LRP1B: variants seen among roughly 807,000 people sequenced by gnomAD.
The protein encoded by LRP1B is LDL receptor related protein 1B, also known as low-density lipoprotein receptor-related protein 1B.
Under a neutral mutation model 556.6 loss-of-function variants are expected in LRP1B, and 217 were observed. The ratio of observed to expected loss-of-function variants is 0.39; its 90% CI spans 0.35 to 0.44. The LOEUF is 0.44. Among genes scored for constraint, LRP1B ranks in the 20% least tolerant of loss-of-function variants. LRP1B has a pLI of 1.00. For synonymous variants in LRP1B, 2,047 were observed against 1,865.8 expected (o/e 1.10, Z -2.50); for missense variants, 5,053 against 5,620.8 (o/e 0.90, Z 3.23).
chr2:140,833,069 G>A (rs1344062721), intron 31 of LRP1B, among the ~76,000 whole-genome samples: 1 of 152,160 alleles, frequency 6.6e-6, no homozygotes, highest in Non-Finnish European at 1.5e-5. Context: ...GTGTGCATGA[G>A]TGTGCCCTGT....
At chr2:141,042,953 G>A (rs986393076) in intron 11 of LRP1B, among the ~76,000 whole-genome samples, 7 of 149,194 alleles carry the variant, frequency 4.7e-5, no homozygotes, top group Non-Finnish European at 9.0e-5. Flanking sequence ...GCACTTTGTG[G>A]GGCTCAGGCA....
At chr2:141,319,169 T>C (rs1197728752) in intron 3 of LRP1B, among the ~76,000 whole-genome samples, 1 of 152,084 alleles carries the variant, frequency 6.6e-6, no homozygotes, top group Non-Finnish European at 1.5e-5. Flanking sequence ...AACACATATT[T>C]GTAATATCGT....
intron 45 of LRP1B, among the ~76,000 whole-genome samples, chr2:140,539,942 T>G (rs991665531): frequency 1.4e-4 from 21 of 152,138 alleles, no homozygotes; most frequent in African/African-American, 2.9e-4. Context: ...GGTGCCTTTT[T>G]GGGTTGTAGT....
At chr2:140,650,328 TA>T (rs1684635522) in intron 41 of LRP1B, among the ~76,000 whole-genome samples, 6 of 128,324 alleles carry the variant, frequency 4.7e-5, no homozygotes, top group Admixed American at 4.3e-4. Context: ...TTTATTTATT[TA>T]TTTATTTATT....
At chr2:141,732,506 G>A (rs1028771253) in intron 2 of LRP1B, among the ~76,000 whole-genome samples, 1 of 152,030 alleles carries the variant, frequency 6.6e-6, no homozygotes, top group Non-Finnish European at 1.5e-5. Context: ...TCTGTAGGCT[G>A]GAGTATTTTT....
intron 66 of LRP1B, among the ~76,000 whole-genome samples, chr2:140,402,004 C>A (rs779044261): frequency 6.6e-6 from 1 of 152,186 alleles, no homozygotes; most frequent in Admixed American, 6.5e-5. Context: ...TGTGCTGGTA[C>A]CCACTGCTGA....
chr2:141,378,897 A>C (rs978863726), intron 3 of LRP1B, among the ~76,000 whole-genome samples: 3 of 152,182 alleles, frequency 2.0e-5, no homozygotes, highest in African/African-American at 7.2e-5. Context: ...CCGAGCAGAC[A>C]ACCACTCATA....
intron 1 of LRP1B, among the ~76,000 whole-genome samples, chr2:141,876,043 CT>C (rs1329834738): frequency 6.6e-6 from 1 of 151,824 alleles, no homozygotes; most frequent in African/African-American, 2.4e-5. Flanking sequence ...TTATAATTTA[CT>C]GATTTTCTTT....
At chr2:142,029,898 AGG>A (rs1031923100) in intron 1 of LRP1B, among the ~76,000 whole-genome samples, 31 of 151,848 alleles carry the variant, frequency 2.0e-4, no homozygotes, top group African/African-American at 7.2e-4. Flanking sequence ...AAGATTAAAG[AGG>A]TTTAATGCAT....
chr2:140,938,366 G>A (rs931782556), intron 20 of LRP1B, among the ~76,000 whole-genome samples: 10 of 151,312 alleles, frequency 6.6e-5, no homozygotes, highest in African/African-American at 2.2e-4. Context: ...AAACAAAAAA[G>A]ACAGAGACAG....
At chr2:141,078,528 G>T (rs537797072) in intron 7 of LRP1B, among the ~76,000 whole-genome samples, 1 of 152,242 alleles carries the variant, frequency 6.6e-6, no homozygotes, top group South Asian at 2.1e-4. Flanking sequence ...AGCTGGAAGT[G>T]GTTGATGGCT....
intron 3 of LRP1B, among the ~76,000 whole-genome samples, chr2:141,454,921 G>T (rs906000756): frequency 2.6e-5 from 4 of 152,070 alleles, no homozygotes; most frequent in African/African-American, 9.7e-5. Flanking sequence ...TTCTCTTCTG[G>T]CATCTCTTTT....
At chr2:141,524,240 G>T (rs1432359609) in intron 2 of LRP1B, among the ~76,000 whole-genome samples, 1 of 146,730 alleles carries the variant, frequency 6.8e-6, no homozygotes, top group Non-Finnish European at 1.5e-5. Flanking sequence ...ATTGAAATCT[G>T]CCTGTGAAAG....
At chr2:140,383,347 A>T (rs1683618749) in intron 67 of LRP1B, among the ~76,000 whole-genome samples, 2 of 151,852 alleles carry the variant, frequency 1.3e-5, no homozygotes, top group African/African-American at 4.8e-5. Context: ...CATAGATAAC[A>T]ATTGCAAATA....
chr2:141,876,718 G>A (rs1482933046), intron 1 of LRP1B, among the ~76,000 whole-genome samples: 1 of 151,902 alleles, frequency 6.6e-6, no homozygotes, highest in Non-Finnish European at 1.5e-5. Flanking sequence ...AAGGTTGTTA[G>A]TGTGATATAT....
rs375546230 is a variant in LRP1B, at chr2:140,712,942, T to C, written c.6023+3031A>G. On this transcript the variant is annotated intron_variant, in intron 37 of 90. Transcript: ENST00000389484. ...ATGGCTGTTTTTGTTGCTGTTGTTG[T>C]TGTTGTTCTTTTTTTTCTCTCTCCT... Among the ~76,000 whole-genome samples the C allele has an allele frequency of 2.0e-4, 31 of 152,148 alleles. No homozygotes were observed. In the East Asian group the frequency reaches 5.6e-3, roughly 28 times the overall value.
intron 32 of LRP1B, among the ~76,000 whole-genome samples, chr2:140,788,585 A>G (rs1288887188): frequency 2.0e-5 from 3 of 152,226 alleles, no homozygotes; most frequent in African/African-American, 7.2e-5. Flanking sequence ...CTCTATTTGT[A>G]TAACAACCGA....
intron 41 of LRP1B, among the ~76,000 whole-genome samples, chr2:140,615,589 G>C (rs2105236492): frequency 6.6e-6 from 1 of 152,172 alleles, no homozygotes; most frequent in East Asian, 1.9e-4. Flanking sequence ...CATCTAGCTA[G>C]CTTTGATAAA....
chr2:141,059,086 T>G (rs1699267097), intron 8 of LRP1B, 32 bp from the exon 9 acceptor site: 1 of 1,329,464 alleles, frequency 7.5e-7, no homozygotes, highest in African/African-American at 1.5e-5. Context: ...ACTATGATTT[T>G]TAATTATGTA....
Sources: allele counts gnomAD v4.1 joint callset (sites outside exome capture counted in the v4.1 genomes callset), GRCh38; gene constraint gnomAD v4.1.1; transcripts MANE v1.5; gene names NCBI Gene and HGNC (gene_info 2026-07-23, HGNC 2026-07-21).